Variants in BBX observed in about 807,000 individuals in gnomAD.
BBX encodes the protein BBX high mobility group box domain containing, also known as HMG box transcription factor BBX.
In BBX, 30 loss-of-function variants were observed where a neutral mutation model predicts 100.2. That is an observed-to-expected ratio of 0.30 (90% CI 0.22 to 0.41). The LOEUF (loss-of-function observed/expected upper bound fraction) is 0.41, where lower values mean the gene tolerates loss of function less well. BBX is among the 10% of genes least tolerant of loss of function. BBX has a pLI of 1.00. For synonymous variants in BBX, 376 were observed against 388.1 expected (o/e 0.97, Z 0.37); for missense variants, 1,023 against 1,129.8 (o/e 0.91, Z 1.35).
chr3:107,541,269 C>G (rs2048843231), intron 2 of BBX, among the ~76,000 whole-genome samples: 1 of 152,150 alleles, frequency 6.6e-6, no homozygotes, highest in Non-Finnish European at 1.5e-5. Context: ...CTCATATATT[C>G]TGGCCATTTG....
At chr3:107,586,347 A>G (rs2052836596) in intron 2 of BBX, among the ~76,000 whole-genome samples, 1 of 152,198 alleles carries the variant, frequency 6.6e-6, no homozygotes, top group South Asian at 2.1e-4. Flanking sequence ...ACAACTATAT[A>G]TTCATTTCTT....
intron 3 of BBX, among the ~76,000 whole-genome samples, chr3:107,692,991 G>C (rs2060291345): frequency 1.3e-5 from 2 of 148,480 alleles, no homozygotes; most frequent in Admixed American, 6.7e-5. Flanking sequence ...CTGCATAAAT[G>C]TCTTCTTTTG....
chr3:107,685,452 GA>G (rs997185595), intron 3 of BBX, among the ~76,000 whole-genome samples: 1 of 152,208 alleles, frequency 6.6e-6, no homozygotes. Flanking sequence ...AAGCAAAGGG[GA>G]GGAAACTCAT....
At chr3:107,756,866 C>A (rs539625849) in intron 10 of BBX, among the ~76,000 whole-genome samples, 2 of 152,140 alleles carry the variant, frequency 1.3e-5, no homozygotes, top group East Asian at 3.9e-4. Flanking sequence ...AAGTACTACT[C>A]CAAACAGAGC....
intron 2 of BBX, among the ~76,000 whole-genome samples, chr3:107,531,337 A>G (rs141951163): frequency 6.6e-6 from 1 of 152,134 alleles, no homozygotes; most frequent in Non-Finnish European, 1.5e-5. Context: ...TGCTGCCTCT[A>G]TTGCTTATTA....
chr3:107,541,515 A>T (rs180844871), intron 2 of BBX, among the ~76,000 whole-genome samples: 16 of 152,312 alleles, frequency 1.1e-4, no homozygotes, highest in African/African-American at 3.1e-4. Context: ...AAAATTATGT[A>T]GAAAGACTGT....
chr3:107,795,690 A>G (rs2069573927), intron 15 of BBX, among the ~76,000 whole-genome samples: 1 of 132,252 alleles, frequency 7.6e-6, no homozygotes, highest in African/African-American at 3.0e-5. Context: ...TTCCTCCAAT[A>G]TACTGACCCT....
intron 13 of BBX, among the ~76,000 whole-genome samples, chr3:107,785,779 A>T (rs1013255970): frequency 4.6e-5 from 7 of 152,102 alleles, no homozygotes; most frequent in African/African-American, 1.7e-4. Context: ...CAATACAAGA[A>T]TATCCACTCT....
Position 107,806,379 on chromosome 3 carries a change from T to C in BBX, c.*922T>C, listed in dbSNP as rs907896386. On this transcript the variant is annotated 3_prime_UTR_variant, in exon 18 of 18. Coordinates refer to ENST00000325805, the MANE Select transcript of BBX (RefSeq NM_001142568.3). ...CAAAAATATTATTCAGAAGTGACCT[T>C]AGTATTACTTCACTATTCTAAACAC... 3.3e-5 allele frequency: 5 copies of C among 152,218 alleles called. No individual in the cohort carries two copies. Among genetic ancestry groups the C allele is most frequent in the Non-Finnish European group, 7.3e-5 (5 of 68,046 alleles). 9.4% of individuals were successfully genotyped at this position (152,218 alleles called of 1,614,324 possible). A position where few individuals can be genotyped will look rare whatever the true frequency, so the allele number is the denominator to read the frequency against.
At chr3:107,734,452 A>G (rs1481168671) in intron 7 of BBX, among the ~76,000 whole-genome samples, 2 of 152,154 alleles carry the variant, frequency 1.3e-5, no homozygotes, top group Non-Finnish European at 2.9e-5. Flanking sequence ...TCACTTTCTA[A>G]CACATTGCTG....
At chr3:107,560,777 T>A (rs899154570) in intron 2 of BBX, among the ~76,000 whole-genome samples, 2 of 152,316 alleles carry the variant, frequency 1.3e-5, no homozygotes, top group Non-Finnish European at 2.9e-5. Context: ...GATAGTCTAT[T>A]CTTCAAAATT....
intron 2 of BBX, among the ~76,000 whole-genome samples, chr3:107,605,410 C>T (rs139718514): frequency 1.3e-5 from 2 of 151,560 alleles, no homozygotes; most frequent in Non-Finnish European, 2.9e-5. Context: ...AATATTAAAC[C>T]CCACAGCATT....
intron 15 of BBX, among the ~76,000 whole-genome samples, 199 bp from the exon 16 acceptor site, chr3:107,798,324 A>T (rs984929528): frequency 6.6e-6 from 1 of 152,236 alleles, no homozygotes; most frequent in Non-Finnish European, 1.5e-5. Flanking sequence ...ACTGCATTTA[A>T]TTTATCAAAG....
chr3:107,798,231 C>G (rs1306599589), intron 15 of BBX, among the ~76,000 whole-genome samples: 1 of 152,198 alleles, frequency 6.6e-6, no homozygotes, highest in Non-Finnish European at 1.5e-5. Flanking sequence ...ATAATTTACT[C>G]AGATTTACCT....
chr3:107,543,991 A>C (rs1267253858), intron 2 of BBX, among the ~76,000 whole-genome samples: 1 of 152,248 alleles, frequency 6.6e-6, no homozygotes, highest in Non-Finnish European at 1.5e-5. Flanking sequence ...ATTTACATGT[A>C]TGCAGGCTAA....
Position 107,789,822 on chromosome 3 carries a change from A to G in BBX, c.2239A>G (p.Lys747Glu). 4.5e-6 allele frequency: 7 copies of G among 1,549,930 alleles called. No individual in the cohort carries two copies. Among genetic ancestry groups the G allele is most frequent in the Non-Finnish European group, 5.2e-6 (6 of 1,145,690 alleles). ...FQSQKKNLFH[K>E]IVSKYKHKKE... is the part of the protein sequence containing the mutation. ...GTCTCAGAAAAAGAACTTATTCCAC[A>G]AAATTGTCAGCAAATATAAGCACAA... The change falls in exon 14 of 18, where the codon AAA becomes GAA. Residue 747 changes from lysine to glutamate, a missense_variant. Lys to Glu is a moderately conservative substitution (Grantham distance 56). Coordinates refer to ENST00000325805, the MANE Select transcript of BBX (RefSeq NM_001142568.3).
chr3:107,584,981 T>C (rs948920183), intron 2 of BBX, among the ~76,000 whole-genome samples: 1 of 151,990 alleles, frequency 6.6e-6, no homozygotes, highest in African/African-American at 2.4e-5. Context: ...CCGGCCTCAG[T>C]TGAAATCTTA....
chr3:107,534,133 A>G (rs1386876789), intron 2 of BBX, among the ~76,000 whole-genome samples: 2 of 152,188 alleles, frequency 1.3e-5, no homozygotes. Context: ...TGTTAATGCT[A>G]AGGAATTGTT....
In BBX at chr3:107,782,830, AT is replaced by A. The variant is rs930857541; in HGVS notation, c.2203+4320del. On this transcript the variant is annotated intron_variant, in intron 13 of 17. Coordinates refer to ENST00000325805, the MANE Select transcript of BBX (RefSeq NM_001142568.3). ...CCAGTTTGCATACCAGCAATGAGTGATTTTTTTTTCATAAGGAAGCTGAAGC... is the reference window on the plus strand; with the variant it reads ...CCAGTTTGCATACCAGCAATGAGTGATTTTTTTTCATAAGGAAGCTGAAGC... Among the ~76,000 whole-genome samples the A allele has an allele frequency of 2.6e-5, 4 of 151,676 alleles. No individual in the cohort carries two copies. The South Asian group carries it at 8.4e-4, about 32-fold the overall frequency.
Sources: gnomAD v4.1 joint callset for allele counts (sites outside exome capture counted in the v4.1 genomes callset) on GRCh38, gnomAD v4.1.1 for gene constraint, MANE v1.5 for transcripts, NCBI Gene and HGNC (gene_info 2026-07-23, HGNC 2026-07-21) for gene names.